The following CEMIP2 variants were observed in gnomAD, a reference collection of about 807,000 sequenced individuals.
The protein encoded by CEMIP2 is cell migration inducing hyaluronidase 2, also known as cell surface hyaluronidase CEMIP2.
In CEMIP2, 79 loss-of-function variants were observed where a neutral mutation model predicts 146.9. That is an observed-to-expected ratio of 0.54 (90% CI 0.45 to 0.65). The LOEUF is 0.65. CEMIP2 is among the 30% of genes least tolerant of loss of function. The probability of loss-of-function intolerance (pLI) is 0.00; values close to 1 mark genes in which losing one functional copy is unlikely to be tolerated. For synonymous variants in CEMIP2, 601 were observed against 606.3 expected, an observed-to-expected ratio of 0.99 and a Z score of 0.13; for missense variants, 1,596 against 1,696.2, an observed-to-expected ratio of 0.94 and a Z score of 1.04.
At chr9:71,706,058 G>A (rs374146994) in intron 17 of CEMIP2, among the ~76,000 whole-genome samples, 280 of 151,770 alleles carry the variant, frequency 1.8e-3, no homozygotes, top group Non-Finnish European at 3.0e-3. Flanking sequence ...GTGAAATCCC[G>A]TCTCTATTAA....
chr9:71,760,699 G>A (rs1824607869), intron 1 of CEMIP2, among the ~76,000 whole-genome samples: 1 of 143,932 alleles, frequency 6.9e-6, no homozygotes. Flanking sequence ...AGGAAGGGTA[G>A]CAATTAAGAA....
intron 17 of CEMIP2, among the ~76,000 whole-genome samples, chr9:71,706,718 T>C (rs1329139532): frequency 6.6e-6 from 1 of 152,232 alleles, no homozygotes; most frequent in Non-Finnish European, 1.5e-5. Flanking sequence ...CCTGCCACTT[T>C]AAGACAGACA....
intron 20 of CEMIP2, among the ~76,000 whole-genome samples, chr9:71,695,754 T>G (rs1239427832): frequency 6.6e-6 from 1 of 152,074 alleles, no homozygotes. Context: ...TCTCCAAGTT[T>G]GGGGTCAAAA....
intron 2 of CEMIP2, among the ~76,000 whole-genome samples, chr9:71,749,633 G>A (rs1824187736): frequency 6.6e-6 from 1 of 151,994 alleles, no homozygotes; most frequent in Non-Finnish European, 1.5e-5. Context: ...TTGAACCCAG[G>A]GGGCGGAGGT....
chr9:71,728,193 T>TTCTC (rs369654117), intron 10 of CEMIP2, among the ~76,000 whole-genome samples: 536 of 29,606 alleles, frequency 0.018, 48 homozygotes, highest in South Asian at 0.03. Flanking sequence ...CAGCGAAACC[T>TTCTC]TCTCTCTCTC....
intron 21 of CEMIP2, among the ~76,000 whole-genome samples, chr9:71,693,200 A>G (rs1441547887): frequency 1.3e-5 from 2 of 152,222 alleles, no homozygotes; most frequent in Non-Finnish European, 2.9e-5. Context: ...GCCCACCACT[A>G]AAAAAACCAA....
At chr9:71,719,400 A>C (rs531271691) in intron 12 of CEMIP2, among the ~76,000 whole-genome samples, 1 of 152,318 alleles carries the variant, frequency 6.6e-6, no homozygotes, top group Admixed American at 6.5e-5. Flanking sequence ...AATAGAGAGG[A>C]GGGCAAGGGC....
chr9:71,685,599 A>G, intron 23 of CEMIP2, 144 bp downstream of exon 23: 4 of 854,918 alleles, frequency 4.7e-6, no homozygotes, highest in Non-Finnish European at 7.2e-6. Flanking sequence ...TTCCTCTCAC[A>G]TTGTGCCCTT....
chr9:71,707,464 T>A (rs956264429), intron 17 of CEMIP2, among the ~76,000 whole-genome samples: 5 of 152,200 alleles, frequency 3.3e-5, no homozygotes, highest in Admixed American at 6.5e-5. Context: ...CTTTGTTTAG[T>A]CTATAGATAA....
intron 18 of CEMIP2, among the ~76,000 whole-genome samples, chr9:71,703,517 A>G (rs1235801352): frequency 6.6e-6 from 1 of 152,182 alleles, no homozygotes; most frequent in Non-Finnish European, 1.5e-5. Flanking sequence ...GTTCATTTCA[A>G]CTGGATGTTT....
chr9:71,703,031 T>C (rs1005530356), intron 18 of CEMIP2, among the ~76,000 whole-genome samples: 1 of 152,226 alleles, frequency 6.6e-6, no homozygotes, highest in Admixed American at 6.5e-5. Context: ...TTTCATTGAC[T>C]TCTCTGCAAC....
chr9:71,695,095 C>A (rs554397364), intron 20 of CEMIP2, among the ~76,000 whole-genome samples: 1 of 152,210 alleles, frequency 6.6e-6, no homozygotes, highest in African/African-American at 2.4e-5. Context: ...CAGAGTTGTG[C>A]CTTATAGACA....
chr9:71,737,922 C>T (rs1017963612), intron 5 of CEMIP2, among the ~76,000 whole-genome samples: 1 of 152,016 alleles, frequency 6.6e-6, no homozygotes, highest in African/African-American at 2.4e-5. Flanking sequence ...ATGCATAATA[C>T]CCATTCATCA....
Position 71,730,729 on chromosome 9 carries a change from A to G in CEMIP2, c.1749T>C (p.Thr583=). The G allele has an allele frequency of 6.2e-7, 1 of 1,614,234 alleles. No individual in the cohort carries two copies. Among genetic ancestry groups the G allele is most frequent in the South Asian group, 1.1e-5 (1 of 91,086 alleles). The change falls in exon 8 of 24, where the codon ACT becomes ACC. Residue 583 remains threonine (T), a synonymous_variant. Coordinates refer to ENST00000377044, the MANE Select transcript of CEMIP2 (RefSeq NM_013390.3). ...CTAGCAAGCCATTTGTCCCATGCAC[A>G]GTGATGCACCTTGAGAAGCTGTGAT... is the stretch of plus-strand genomic sequence containing the variant. ...SIHHSFSRCI[T]VHGTNGLLIK...
At chr9:71,705,926 G>T (rs1822721043) in intron 17 of CEMIP2, among the ~76,000 whole-genome samples, 1 of 151,792 alleles carries the variant, frequency 6.6e-6, no homozygotes, top group Non-Finnish European at 1.5e-5. Context: ...TATCCCTCAG[G>T]TCATTAAAAA....
intron 1 of CEMIP2, among the ~76,000 whole-genome samples, chr9:71,766,132 G>C (rs1824784730): frequency 1.3e-5 from 2 of 149,894 alleles, no homozygotes; most frequent in South Asian, 4.2e-4. Flanking sequence ...GTAGTGGCAC[G>C]ATCTCGGCTC....
intron 16 of CEMIP2, among the ~76,000 whole-genome samples, chr9:71,711,411 T>A (rs200022894): frequency 9.9e-4 from 103 of 103,824 alleles, no homozygotes; most frequent in South Asian, 2.5e-3. Flanking sequence ...AAAAAAAAAA[T>A]TTTTTTTAAG....
Position 71,715,625 on chromosome 9 carries a change from G to GAGATATATATAT in CEMIP2, c.2436-537_2436-536insATATATATATCT, listed in dbSNP as rs140408118. ...ATATACATACATATATCCCTCTTAA[G>GAGATATATATAT]ATATATATATATATATATATATACT... On this transcript the variant is annotated intron_variant, in intron 14 of 23. Coordinates refer to ENST00000377044, the MANE Select transcript of CEMIP2 (RefSeq NM_013390.3). Among the ~76,000 whole-genome samples the GAGATATATATAT allele has an allele frequency of 4.3e-3, 514 of 119,038 alleles. 4 individuals are homozygous for GAGATATATATAT. Among genetic ancestry groups the GAGATATATATAT allele is most frequent in the African/African-American group, 0.013 (469 of 34,952 alleles). The allele number at this position is 119,038 out of a possible 152,430, so 78.1% of individuals were successfully genotyped here.
rs374266007 is a variant in CEMIP2, at chr9:71,732,368, A to C, written c.1546T>G (p.Phe516Val). Residue 516 changes from phenylalanine (F) to valine (V), a missense_variant, in exon 7 of 24, where the codon TTT (phenylalanine) becomes GTT (valine). Phe to Val is a conservative substitution (Grantham distance 50, BLOSUM62 -1). Coordinates refer to ENST00000377044, the MANE Select transcript of CEMIP2 (RefSeq NM_013390.3). ...NQCQFFDYDT[F>V]GGHIMIMKNF... is the part of the protein sequence containing the mutation. ...TTGCCTACCATAATGTGTCCCCCAA[A>C]GGTATCATAATCAAAAAATTGGCAC... 5 of 1,611,908 alleles carry C rather than the reference A, an allele frequency of 3.1e-6. No individual in the cohort carries two copies. Among genetic ancestry groups the C allele is most frequent in the Non-Finnish European group, 1.7e-6 (2 of 1,179,446 alleles).
Sources: gnomAD v4.1 joint callset for allele counts (sites outside exome capture counted in the v4.1 genomes callset) on GRCh38, gnomAD v4.1.1 for gene constraint, MANE v1.5 for transcripts, NCBI Gene and HGNC (gene_info 2026-07-23, HGNC 2026-07-21) for gene names.